CAMTA1: variants seen among roughly 807,000 people sequenced by gnomAD.
CAMTA1 encodes the protein calmodulin-binding transcription activator 1.
A neutral mutation model predicts 170.9 loss-of-function variants in CAMTA1; 27 were observed. That is an observed-to-expected ratio of 0.16 (90% confidence interval 0.12 to 0.22). The LOEUF is 0.22. Ranked by LOEUF, CAMTA1 falls within the 10% of genes least tolerant of loss-of-function variation. The pLI, the probability that CAMTA1 is intolerant of heterozygous loss-of-function variation, is 1.00. For missense variants in CAMTA1, 1,619 were observed against 2,217.2 expected (o/e 0.73, Z 5.42); for synonymous variants, 833 against 891.5 (o/e 0.93, Z 1.17).
chr1:7,345,216 A>G (rs2084140353), intron 5 of CAMTA1, among the ~76,000 whole-genome samples: 2 of 152,210 alleles, frequency 1.3e-5, no homozygotes, highest in South Asian at 4.1e-4. Flanking sequence ...CTTGTTGAAT[A>G]GTTCTTACTT....
intron 5 of CAMTA1, among the ~76,000 whole-genome samples, chr1:7,448,972 C>A (rs1042431117): frequency 6.6e-6 from 1 of 152,224 alleles, no homozygotes; most frequent in Non-Finnish European, 1.5e-5. Context: ...CTCCAAGGTA[C>A]AGAAGCAAAA....
intron 6 of CAMTA1, among the ~76,000 whole-genome samples, chr1:7,492,568 TACAA>T (rs527855076): frequency 0.011 from 1,667 of 150,236 alleles, 37 homozygotes; most frequent in African/African-American, 0.039. Context: ...CGCACGCACA[TACAA>T]ACGCAAACCT....
intron 3 of CAMTA1, among the ~76,000 whole-genome samples, chr1:7,073,853 G>A (rs1322815520): frequency 6.6e-6 from 1 of 152,204 alleles, no homozygotes; most frequent in African/African-American, 2.4e-5. Context: ...AGTTTGCTTT[G>A]AAGGGGAGTA....
chr1:6,899,416 C>T (rs1043090942), intron 3 of CAMTA1, among the ~76,000 whole-genome samples: 1 of 152,220 alleles, frequency 6.6e-6, no homozygotes, highest in African/African-American at 2.4e-5. Flanking sequence ...TACAATCAGA[C>T]CAAACAGTGT....
At chr1:7,498,689 A>G (rs1479311470) in intron 6 of CAMTA1, among the ~76,000 whole-genome samples, 2 of 151,790 alleles carry the variant, frequency 1.3e-5, no homozygotes, top group South Asian at 2.1e-4. Context: ...ATGCATATGT[A>G]TGTGTGTATA....
At chr1:7,004,214 A>G (rs1401356371) in intron 3 of CAMTA1, among the ~76,000 whole-genome samples, 1 of 152,236 alleles carries the variant, frequency 6.6e-6, no homozygotes. Context: ...ATTGCCAAGG[A>G]GCAGGGAGGC....
chr1:7,168,827 A>T (rs1459626006), intron 4 of CAMTA1, among the ~76,000 whole-genome samples: 1 of 152,238 alleles, frequency 6.6e-6, no homozygotes, highest in Non-Finnish European at 1.5e-5. Flanking sequence ...TAGAAATATT[A>T]ATAGCAGGAA....
intron 11 of CAMTA1, among the ~76,000 whole-genome samples, chr1:7,716,310 C>T (rs1181837318): frequency 6.6e-6 from 1 of 152,204 alleles, no homozygotes; most frequent in Non-Finnish European, 1.5e-5. Context: ...GGATTACAGG[C>T]ATGAGACACT....
intron 1 of CAMTA1, among the ~76,000 whole-genome samples, chr1:6,799,628 A>G (rs1045132205): frequency 3.3e-5 from 5 of 152,146 alleles, no homozygotes; most frequent in African/African-American, 9.7e-5. Context: ...GAGGGGATTC[A>G]TGTGTTGGGT....
intron 3 of CAMTA1, among the ~76,000 whole-genome samples, chr1:6,983,597 A>G (rs1694799813): frequency 6.6e-6 from 1 of 152,194 alleles, no homozygotes; most frequent in African/African-American, 2.4e-5. Context: ...AGCTTCATGG[A>G]GGCAAGTTCT....
chr1:6,880,383 G>GT (rs34745856), intron 3 of CAMTA1, among the ~76,000 whole-genome samples: 13,643 of 66,998 alleles, frequency 0.2, 1,569 homozygotes, highest in East Asian at 0.23. Flanking sequence ...CTCTAAAAGT[G>GT]TTTTTTTTTT....
At chr1:7,418,237 C>G (rs1557681627) in intron 5 of CAMTA1, among the ~76,000 whole-genome samples, 1 of 152,176 alleles carries the variant, frequency 6.6e-6, no homozygotes, top group Non-Finnish European at 1.5e-5. Flanking sequence ...ACTTTGTCAC[C>G]TGAGCTGGAG....
chr1:7,499,667 A>G lies in CAMTA1; in HGVS notation c.510+31766A>G, dbSNP rs114255216. Among the ~76,000 whole-genome samples, 1,218 of 137,922 alleles carry G rather than the reference A, an allele frequency of 8.8e-3. 77 individuals are homozygous for G. The highest frequency in any genetic ancestry group is 0.032 in the African/African-American group (1,169 of 35,998). 90.5% of individuals were successfully genotyped at this position (137,922 alleles called of 152,430 possible). On this transcript the variant is annotated intron_variant, in intron 6 of 22. Transcript: ENST00000303635. ...AGTGCATGTGTATGTGAGTGTGTGC[A>G]TGAGTGTGTGTGAACCTGGTGTGCG...
Position 7,340,347 on chromosome 1 carries a change from G to A in CAMTA1, c.438+90721G>A, listed in dbSNP as rs201240116. ...TTCCTGCCCCCACTAGCCTACCCCC[G>A]ACTTATGCTTGTGTCCAGGAAAAGG... On this transcript the variant is annotated intron_variant, in intron 5 of 22. Transcript: ENST00000303635. 7.2e-5 allele frequency among the ~76,000 whole-genome samples: 11 copies of A among 152,110 alleles called. No homozygotes were observed. The East Asian group carries it at 1.5e-3, about 21-fold the overall frequency.
At chr1:6,878,593 C>CA (rs1471836616) in intron 3 of CAMTA1, among the ~76,000 whole-genome samples, 1 of 152,114 alleles carries the variant, frequency 6.6e-6, no homozygotes, top group Non-Finnish European at 1.5e-5. Context: ...AATTTGAAAA[C>CA]AAAAAACAAA....
At chr1:7,452,190 A>G (rs1175649668) in intron 5 of CAMTA1, among the ~76,000 whole-genome samples, 2 of 152,132 alleles carry the variant, frequency 1.3e-5, no homozygotes, top group Non-Finnish European at 2.9e-5. Context: ...TTGTCAGTTG[A>G]ACAGATAGAC....
chr1:6,907,538 C>T (rs965805502), intron 3 of CAMTA1, among the ~76,000 whole-genome samples: 22 of 152,184 alleles, frequency 1.4e-4, no homozygotes, highest in Non-Finnish European at 3.1e-4. Context: ...TCCAGACCGC[C>T]GCTCTATGAC....
intron 3 of CAMTA1, among the ~76,000 whole-genome samples, chr1:6,908,720 A>T (rs1679082821): frequency 6.6e-6 from 1 of 152,224 alleles, no homozygotes; most frequent in Non-Finnish European, 1.5e-5. Context: ...CTCTGGGGTT[A>T]TGGCATTGTG....
rs904486169 is a variant in CAMTA1 at position 7,703,586 on chromosome 1, T to C, written c.2914+25853T>C. On this transcript the variant is annotated intron_variant, in intron 11 of 22. Coordinates refer to ENST00000303635, the MANE Select transcript of CAMTA1 (RefSeq NM_015215.4). ...TGTTGGGGTTGTTTCTGTGTGCGTT[T>C]GGGTAGGGTCAGAAAAGAGACTCCG... 2.0e-5 allele frequency among the ~76,000 whole-genome samples: 3 copies of C among 152,150 alleles called. No homozygotes were observed. The East Asian group carries it at 5.8e-4, about 29-fold the overall frequency.
Sources: gnomAD v4.1 joint callset for allele counts (sites outside exome capture counted in the v4.1 genomes callset) on GRCh38, gnomAD v4.1.1 for gene constraint, MANE v1.5 for transcripts, NCBI Gene and HGNC (gene_info 2026-07-23, HGNC 2026-07-21) for gene names.